The following ADD3 variants were observed in gnomAD, a reference collection of about 807,000 sequenced individuals.
The protein encoded by ADD3 is gamma-adducin.
Under a neutral mutation model 80.2 loss-of-function variants are expected in ADD3, and 25 were observed. The ratio of observed to expected loss-of-function variants is 0.31; its 90% CI spans 0.23 to 0.44. The LOEUF is 0.44. Among genes scored for constraint, ADD3 ranks in the 20% least tolerant of loss-of-function variants. The pLI is 1.00. For synonymous variants in ADD3, 284 were observed against 289.6 expected, an observed-to-expected ratio of 0.98 and a Z score of 0.20; for missense variants, 829 against 847.5, an observed-to-expected ratio of 0.98 and a Z score of 0.27.
rs369494306 is a variant in ADD3, at chr10:109,996,881, G to A, written n.79+435G>A. 2.0e-5 allele frequency among the ~76,000 whole-genome samples: 3 copies of A among 152,334 alleles called. No homozygotes were observed. In the East Asian group the frequency reaches 5.8e-4, roughly 29 times the overall value. On this transcript the variant is annotated intron_variant and non_coding_transcript_variant, in intron 1 of 5. Coordinates refer to the ADD3 transcript ENST00000468251. ...CTCTTCGGCCTCAATGAATTGTGCT[G>A]TTCAGGTTCTGCTATCATACATTTA... is the stretch of plus-strand genomic sequence containing the variant.
At chr10:110,094,115 G>A (rs986520269) in intron 1 of ADD3, among the ~76,000 whole-genome samples, 1 of 152,042 alleles carries the variant, frequency 6.6e-6, no homozygotes, top group East Asian at 1.9e-4. Flanking sequence ...TAGGCAAACG[G>A]ACCATTAAGT....
chr10:110,112,471 G>A (rs946235276), intron 2 of ADD3: 2 of 208,914 alleles, frequency 9.6e-6, no homozygotes, highest in Non-Finnish European at 1.9e-5. Flanking sequence ...TTTTTACAAT[G>A]GTTTCTTGGT....
rs1554957706 is a variant in ADD3, at chr10:110,118,569, C to A, written c.568-18C>A. The stretch of plus-strand genomic sequence containing the variant: ...ATACGTATATACCAGTTAAATATGT[C>A]CTTCTGATTTTTTCCAGGTGAAAGT... On this transcript the variant is annotated intron_variant, in intron 5 of 14. Transcript: ENST00000356080. 5.0e-6 allele frequency: 8 copies of A among 1,610,460 alleles called. No individual in the cohort carries two copies. The South Asian group carries it at 8.8e-5, about 18-fold the overall frequency.
chr10:110,117,229 G>GTTT, intron 4 of ADD3, 113 bp from the exon 5 acceptor site: 4 of 537,538 alleles, frequency 7.4e-6, no homozygotes, highest in Admixed American at 3.6e-5. Flanking sequence ...TGCTTTGTTG[G>GTTT]TTTTTTTTTT....
upstream of ADD3, among the ~76,000 whole-genome samples, chr10:110,001,306 C>T (rs1169703448): frequency 2.6e-5 from 4 of 151,226 alleles, no homozygotes; most frequent in Admixed American, 2.6e-4. Flanking sequence ...TCCCAGCTAC[C>T]AGGAAGGCTG....
rs992725528 is a variant in ADD3 at position 110,135,140 on chromosome 10, A to T, written c.*1522A>T. Reference sequence around the variant, plus strand: ...AGCTGGCTCTGTTTGTGTGCATATGATAATGCAGAGTTGAGCCAGAGCCTG... The same window carrying T: ...AGCTGGCTCTGTTTGTGTGCATATGTTAATGCAGAGTTGAGCCAGAGCCTG... On this transcript the variant is annotated 3_prime_UTR_variant, in exon 15 of 15. Coordinates refer to ENST00000356080, the MANE Select transcript of ADD3 (RefSeq NM_016824.5). 2 of 152,420 alleles carry T rather than the reference A, an allele frequency of 1.3e-5. No homozygotes were observed. Among genetic ancestry groups the T allele is most frequent in the Non-Finnish European group, 2.9e-5 (2 of 68,016 alleles). 9.4% of individuals were successfully genotyped at this position (152,420 alleles called of 1,614,324 possible). A position where few individuals can be genotyped will look rare whatever the true frequency, so the allele number is the denominator to read the frequency against.
At chr10:110,044,665 T>A (rs1368757169) in intron 1 of ADD3, among the ~76,000 whole-genome samples, 2 of 152,168 alleles carry the variant, frequency 1.3e-5, no homozygotes, top group Non-Finnish European at 2.9e-5. Context: ...CAAAATAAAA[T>A]TGTAGACTAA....
At chr10:110,063,784 A>ATATATAT (rs1230336153) in intron 1 of ADD3, among the ~76,000 whole-genome samples, 36 of 53,298 alleles carry the variant, frequency 6.8e-4, no homozygotes, top group East Asian at 1.0e-3. Context: ...TATATATATA[A>ATATATAT]AGTGAACACC....
intron 1 of ADD3, among the ~76,000 whole-genome samples, chr10:110,015,808 A>G (rs1292504817): frequency 6.6e-6 from 1 of 152,198 alleles, no homozygotes. Flanking sequence ...GCACTTTGCC[A>G]TAGCTAAATA....
intron 1 of ADD3, among the ~76,000 whole-genome samples, chr10:110,086,101 C>T (rs1846702381): frequency 6.6e-6 from 1 of 151,322 alleles, no homozygotes; most frequent in Non-Finnish European, 1.5e-5. Flanking sequence ...AGCGAAACTC[C>T]GTCTCAGAAA....
At position 110,126,566 on chromosome 10, in the gene ADD3, A is replaced by C. The variant is rs183240737; in HGVS notation, c.1608+63A>C. 3,597 of 1,160,148 alleles carry C rather than the reference A, an allele frequency of 3.1e-3. 10 individuals are homozygous for C. Among genetic ancestry groups the C allele is most frequent in the Non-Finnish European group, 3.8e-3 (3,001 of 800,222 alleles). 71.9% of individuals were successfully genotyped at this position (1,160,148 alleles called of 1,614,324 possible). On this transcript the variant is annotated intron_variant, in intron 12 of 14. Coordinates refer to ENST00000356080, the MANE Select transcript of ADD3 (RefSeq NM_016824.5). ...TACCACATTAATTTCATTGATTTTT[A>C]AATATGAATATTTATTTTTACTAAG...
At chr10:110,023,144 A>G (rs1029153152) in intron 1 of ADD3, among the ~76,000 whole-genome samples, 5 of 152,200 alleles carry the variant, frequency 3.3e-5, no homozygotes, top group Non-Finnish European at 7.3e-5. Flanking sequence ...AACTAAGACC[A>G]TGGCTTTGAG....
upstream of ADD3, chr10:110,006,007 C>T (rs186549849): frequency 7.3e-5 from 17 of 234,248 alleles, no homozygotes; most frequent in Middle Eastern, 1.1e-3. Context: ...CTGCTGCTGC[C>T]GCCGCCGCCG....
chr10:110,130,134 A>G (rs1852762186), intron 12 of ADD3, among the ~76,000 whole-genome samples: 1 of 152,160 alleles, frequency 6.6e-6, no homozygotes. Context: ...ATACAGGCTT[A>G]TTGAGGAAAT....
intron 1 of ADD3, among the ~76,000 whole-genome samples, chr10:110,027,108 A>G (rs977648662): frequency 6.6e-6 from 1 of 152,246 alleles, no homozygotes; most frequent in African/African-American, 2.4e-5. Flanking sequence ...AATTGGAAAG[A>G]TGGCTTTTAA....
chr10:110,120,174 C>T (rs1353058333), intron 8 of ADD3, among the ~76,000 whole-genome samples: 8 of 150,064 alleles, frequency 5.3e-5, no homozygotes, highest in Non-Finnish European at 8.9e-5. Flanking sequence ...GCTGCACCCA[C>T]CAACTCGTCA....
At chr10:110,020,618 G>A (rs900039249) in intron 1 of ADD3, among the ~76,000 whole-genome samples, 1 of 152,302 alleles carries the variant, frequency 6.6e-6, no homozygotes, top group Non-Finnish European at 1.5e-5. Flanking sequence ...GGCACCGTCT[G>A]ACAGATGTTT....
chr10:110,040,170 A>G (rs1469734108), intron 1 of ADD3, among the ~76,000 whole-genome samples: 2 of 151,692 alleles, frequency 1.3e-5, no homozygotes, highest in African/African-American at 2.4e-5. Flanking sequence ...AATCGTTAGG[A>G]AAGTTATTAT....
At chr10:110,001,092 CAAT>C (rs368268162), upstream of ADD3, among the ~76,000 whole-genome samples, 11 of 152,144 alleles carry the variant, frequency 7.2e-5, no homozygotes, top group African/African-American at 2.7e-4. Flanking sequence ...ATCCTCACAA[CAAT>C]GTCAAACAGG....
Sources: gnomAD v4.1 joint callset for allele counts (sites outside exome capture counted in the v4.1 genomes callset) on GRCh38, gnomAD v4.1.1 for gene constraint, MANE v1.5 for transcripts, NCBI Gene and HGNC (gene_info 2026-07-23, HGNC 2026-07-21) for gene names.